The following ITPA variants were observed in gnomAD, a reference collection of about 807,000 sequenced individuals.
The protein encoded by ITPA is inosine triphosphatase, also known as inosine triphosphate pyrophosphatase.
A neutral mutation model predicts 29.6 loss-of-function variants in ITPA; 29 were observed. That is an observed-to-expected ratio of 0.98 (90% CI 0.73 to 1.34). ITPA has a LOEUF of 1.34. ITPA is among the 40% of genes most tolerant of loss of function. The pLI is 0.00. For synonymous variants in ITPA, 103 were observed against 99.3 expected (o/e 1.04, Z -0.22); for missense variants, 241 against 251.5 (o/e 0.96, Z 0.28).
At position 3,218,646 on chromosome 20, in the gene ITPA, TTGA is replaced by T. The variant is rs2067376357; in HGVS notation, c.411+17_411+19del. 3 of 1,589,948 alleles carry T rather than the reference TTGA, an allele frequency of 1.9e-6. No individual in the cohort carries two copies. In the South Asian group the frequency reaches 3.3e-5, roughly 18 times the overall value. ...GGCCGGACCTCGGTGCGTACCCACC[TTGA>T]TGCAGTTCCCGCCGCGCGCCGCCAG... On this transcript the variant is annotated intron_variant, in intron 6 of 7. Transcript: ENST00000380113.
Position 3,221,905 on chromosome 20 carries a change from G to A in ITPA, c.476G>A (p.Gly159Glu). 1 of 1,613,956 alleles carries A rather than the reference G, an allele frequency of 6.2e-7. No homozygotes were observed. The highest frequency in any genetic ancestry group is 8.5e-7 in the Non-Finnish European group (1 of 1,179,996). The change falls in exon 7 of 8, where the codon GGA becomes GAA. Residue 159 changes from glycine to glutamate, a missense_variant. Physicochemically the swap from Gly to Glu is moderately conservative, Grantham distance 98 (BLOSUM62 -2). Transcript: ENST00000380113. ...TGGGACCCCTGCTTTCAGCCTGATG[G>A]ATATGAGCAGACGTAAGGAGCCCTG... ...FGWDPCFQPD[G>E]YEQTYAEMPK... is the part of the protein sequence containing the mutation.
Position 3,215,322 on chromosome 20 carries a change from G to T in ITPA, c.295+10G>T, listed in dbSNP as rs769090298. 2.5e-6 allele frequency: 4 copies of T among 1,613,064 alleles called. No homozygotes were observed. Among genetic ancestry groups the T allele is most frequent in the Non-Finnish European group, 3.4e-6 (4 of 1,179,036 alleles). On this transcript the variant is annotated intron_variant, in intron 5 of 7. Coordinates refer to ENST00000380113, the MANE Select transcript of ITPA (RefSeq NM_033453.4). ...AAGTTAAAGCCTGAAGGTATTATCT[G>T]CTTTGTTTCTTCCCTGGATCTGTTG...
chr20:3,223,269 G>T, intron 7 of ITPA, 97 bp from the exon 8 acceptor site: 2 of 893,224 alleles, frequency 2.2e-6, no homozygotes, highest in East Asian at 2.6e-5. Flanking sequence ...TGGGGTCTGT[G>T]AGCTTTGGTC....
At chr20:3,214,363 C>A (rs201135899) in intron 4 of ITPA, among the ~76,000 whole-genome samples, 1 of 112,942 alleles carries the variant, frequency 8.9e-6, no homozygotes, top group African/African-American at 3.0e-5. Flanking sequence ...TTCTTCCTTT[C>A]TTTTTTTTTT....
At chr20:3,221,047 G>C (rs747092954) in intron 6 of ITPA, among the ~76,000 whole-genome samples, 1 of 151,990 alleles carries the variant, frequency 6.6e-6, no homozygotes, top group Non-Finnish European at 1.5e-5. Context: ...CACCAGGCTA[G>C]GCTAATTTTT....
chr20:3,223,488 A>G lies in ITPA; in HGVS notation c.*26A>G, dbSNP rs1331732872. The G allele has an allele frequency of 6.3e-7, 1 of 1,578,268 alleles. No homozygotes were observed. Among genetic ancestry groups the G allele is most frequent in the South Asian group, 1.1e-5 (1 of 88,554 alleles). ...CTTCTGCAGCTGGAGGAGGCCCCTC[A>G]GGCCGGGGATCTGGGGAGGGCTAGC... On this transcript the variant is annotated 3_prime_UTR_variant, in exon 8 of 8. Transcript: ENST00000380113.
At chr20:3,207,730 C>T (rs944861032), upstream of ITPA, among the ~76,000 whole-genome samples, 6 of 114,962 alleles carry the variant, frequency 5.2e-5, no homozygotes, top group African/African-American at 1.3e-4. Flanking sequence ...AACACAGTGG[C>T]TGATGCCTGT....
intron 5 of ITPA, among the ~76,000 whole-genome samples, chr20:3,217,326 T>C (rs1027651314): frequency 1.3e-5 from 2 of 152,218 alleles, no homozygotes; most frequent in African/African-American, 4.8e-5. Flanking sequence ...TCAGTTGCCA[T>C]CAACCAGCTT....
chr20:3,204,654 G>T, upstream of ITPA: 2 of 1,558,022 alleles, frequency 1.3e-6, no homozygotes, highest in East Asian at 2.4e-5. Flanking sequence ...CAGAACCACT[G>T]CGTCCACCCT....
At chr20:3,209,034 G>A (rs1477037655), upstream of ITPA, 2 of 194,802 alleles carry the variant, frequency 1.0e-5, no homozygotes, top group Non-Finnish European at 2.2e-5. This position sits in a 1 kb window ranked among gnomAD's most constrained non-coding sequence, Gnocchi z 4.6. Context: ...GTGAAAACGG[G>A]TGAGAAGTTT....
At chr20:3,223,329 A>G in intron 7 of ITPA, 37 bp from the exon 8 acceptor site, 1 of 1,519,612 alleles carries the variant, frequency 6.6e-7, no homozygotes. Flanking sequence ...TTCCTTCCTG[A>G]ATCTGGGCTC....
At chr20:3,213,565 C>G (rs2067222592) in intron 3 of ITPA, 182 bp downstream of exon 3, 1 of 709,118 alleles carries the variant, frequency 1.4e-6, no homozygotes, top group African/African-American at 1.8e-5. Context: ...GCCTTGAATA[C>G]ATGGTATCTC....
At chr20:3,218,671 C>T (rs943071652) in intron 6 of ITPA, 39 bp downstream of exon 6, 17 of 1,511,362 alleles carry the variant, frequency 1.1e-5, no homozygotes, top group Non-Finnish European at 1.2e-5. Flanking sequence ...CCGCGCGCCG[C>T]CAGGGGGTGC....
chr20:3,224,455 C>A (rs2067537035), downstream of ITPA, among the ~76,000 whole-genome samples: 1 of 152,214 alleles, frequency 6.6e-6, no homozygotes, highest in Non-Finnish European at 1.5e-5. Context: ...AGGCTTGCTT[C>A]TGTGCCCACA....
At chr20:3,220,979 T>G (rs2067448514) in intron 6 of ITPA, among the ~76,000 whole-genome samples, 1 of 152,152 alleles carries the variant, frequency 6.6e-6, no homozygotes, top group Non-Finnish European at 1.5e-5. Flanking sequence ...CACTGCAGCC[T>G]CGACCTCTTG....
downstream of ITPA, among the ~76,000 whole-genome samples, chr20:3,225,269 A>C (rs1352198968): frequency 2.0e-5 from 3 of 152,098 alleles, no homozygotes; most frequent in African/African-American, 7.2e-5. Flanking sequence ...AATCCTCAGA[A>C]ACTCCACACT....
intron 1 of ITPA, among the ~76,000 whole-genome samples, chr20:3,211,272 TCTC>T (rs1361993172): frequency 7.9e-6 from 1 of 125,950 alleles, no homozygotes; most frequent in African/African-American, 3.0e-5. Flanking sequence ...TTCAAGCAAT[TCTC>T]CTGCCTCAGC....
intron 4 of ITPA, 57 bp from the exon 5 acceptor site, chr20:3,215,224 G>A (rs920631615): frequency 1.3e-6 from 2 of 1,565,950 alleles, no homozygotes; most frequent in East Asian, 4.5e-5. Context: ...GCCTGGAAAA[G>A]GTGGTAAGAA....
At chr20:3,204,858 A>G (rs1255738633), upstream of ITPA, among the ~76,000 whole-genome samples, 3 of 148,776 alleles carry the variant, frequency 2.0e-5, no homozygotes, top group South Asian at 2.1e-4. Context: ...ACATCTATGT[A>G]TGTTTTTTTT....
Sources: gnomAD v4.1 joint callset for allele counts (sites outside exome capture counted in the v4.1 genomes callset) on GRCh38, gnomAD v4.1.1 for gene constraint, Gnocchi (gnomAD v3.1) non-coding constraint, MANE v1.5 for transcripts, NCBI Gene and HGNC (gene_info 2026-07-23, HGNC 2026-07-21) for gene names.